Variants in MARCHF10 observed in about 807,000 individuals in gnomAD.
The protein encoded by MARCHF10 is probable E3 ubiquitin-protein ligase MARCHF10.
A neutral mutation model predicts 76.2 loss-of-function variants in MARCHF10; 64 were observed. The observed-to-expected ratio is 0.84, with a 90% confidence interval of 0.69 to 1.03. MARCHF10 has a LOEUF of 1.03. Ranked by LOEUF, MARCHF10 falls within the 50% of genes least tolerant of loss-of-function variation. The pLI is 0.00. For synonymous variants in MARCHF10, 340 were observed against 357.5 expected, an observed-to-expected ratio of 0.95 and a Z score of 0.55; for missense variants, 875 against 958.0, an observed-to-expected ratio of 0.91 and a Z score of 1.14.
intron 7 of MARCHF10, among the ~76,000 whole-genome samples, chr17:62,724,051 C>T (rs143628415): frequency 1.8e-4 from 27 of 152,094 alleles, no homozygotes; most frequent in African/African-American, 2.7e-4. Flanking sequence ...TGGATAGTGA[C>T]GGCTAAGGAG....
chr17:62,719,083 A>T (rs983333000), intron 8 of MARCHF10, among the ~76,000 whole-genome samples: 2 of 152,136 alleles, frequency 1.3e-5, no homozygotes, highest in Non-Finnish European at 2.9e-5. Flanking sequence ...AACGTTGGCC[A>T]AAAAAAGGTC....
chr17:62,705,981 G>A (rs1366283397), intron 9 of MARCHF10, among the ~76,000 whole-genome samples: 1 of 152,180 alleles, frequency 6.6e-6, no homozygotes, highest in African/African-American at 2.4e-5. Context: ...TATTCTCTGC[G>A]CGGCAGGAAG....
chr17:62,751,595 G>A (rs931810011), intron 4 of MARCHF10, among the ~76,000 whole-genome samples: 3 of 152,210 alleles, frequency 2.0e-5, no homozygotes, highest in Non-Finnish European at 2.9e-5. Flanking sequence ...GTGGGTCAGG[G>A]ACAGGAAGCA....
chr17:62,768,953 T>A (rs1014744274), intron 3 of MARCHF10, among the ~76,000 whole-genome samples: 2 of 152,244 alleles, frequency 1.3e-5, no homozygotes, highest in African/African-American at 2.4e-5. Context: ...TCTTTAGTTT[T>A]TTAATCTAGA....
chr17:62,777,078 C>A (rs952858620), intron 3 of MARCHF10, among the ~76,000 whole-genome samples: 1 of 152,220 alleles, frequency 6.6e-6, no homozygotes, highest in Non-Finnish European at 1.5e-5. Context: ...GGTCATGGAG[C>A]ATTCTCCACT....
intron 10 of MARCHF10, chr17:62,705,323 G>A: frequency 6.8e-7 from 1 of 1,477,720 alleles, no homozygotes; most frequent in Non-Finnish European, 8.9e-7. Flanking sequence ...TTGCGTTCAG[G>A]ATGAATTAAA....
chr17:62,754,521 G>A (rs1390841285), intron 4 of MARCHF10, among the ~76,000 whole-genome samples: 1 of 152,064 alleles, frequency 6.6e-6, no homozygotes. Context: ...CCTAAAGCCT[G>A]GTCTACATCC....
intron 4 of MARCHF10, among the ~76,000 whole-genome samples, chr17:62,747,251 C>A (rs778039910): frequency 5.9e-5 from 9 of 152,316 alleles, no homozygotes; most frequent in South Asian, 2.1e-4. Context: ...AAAACTAGAA[C>A]ACATTTTTTT....
intron 4 of MARCHF10, among the ~76,000 whole-genome samples, chr17:62,758,149 C>G (rs1319967976): frequency 6.6e-6 from 1 of 152,182 alleles, no homozygotes; most frequent in Non-Finnish European, 1.5e-5. Context: ...GCCTGTAATC[C>G]TAGCACTTTG....
chr17:62,799,746 CAAAA>C, intron 2 of MARCHF10, among the ~76,000 whole-genome samples: 1 of 109,748 alleles, frequency 9.1e-6, no homozygotes, highest in African/African-American at 3.4e-5. Context: ...AACTCTGTCT[CAAAA>C]AAAAAAAAAA....
chr17:62,782,429 T>C (rs930373684), intron 3 of MARCHF10, among the ~76,000 whole-genome samples: 23 of 140,086 alleles, frequency 1.6e-4, no homozygotes, highest in African/African-American at 6.2e-4. Context: ...CTTACTGCAA[T>C]CTCCGCCTCC....
intron 4 of MARCHF10, chr17:62,749,833 G>C (rs922240542): frequency 6.6e-6 from 1 of 152,258 alleles, no homozygotes; most frequent in Non-Finnish European, 1.5e-5. Flanking sequence ...GCCTGCCCCC[G>C]GTGCCACCGC....
intron 5 of MARCHF10, among the ~76,000 whole-genome samples, chr17:62,743,339 T>A (rs1409199716): frequency 6.6e-6 from 1 of 152,158 alleles, no homozygotes; most frequent in Non-Finnish European, 1.5e-5. Context: ...TCCACCACCA[T>A]CTATATCACA....
intron 3 of MARCHF10, among the ~76,000 whole-genome samples, chr17:62,776,277 C>T (rs1190757885): frequency 6.6e-6 from 1 of 152,192 alleles, no homozygotes; most frequent in Non-Finnish European, 1.5e-5. Context: ...CACAGGGAAC[C>T]CTTTGGGTCA....
At position 62,780,414 on chromosome 17, in the gene MARCHF10, G is replaced by A. The variant is rs146815643; in HGVS notation, c.210+8066C>T. On this transcript the variant is annotated intron_variant, in intron 3 of 10. Transcript: ENST00000311269. ...TTCTTATGAACAAAACAATTACAGT[G>A]TTTACGTTGGGTAACAGCCTTCCTC... 2.7e-3 allele frequency among the ~76,000 whole-genome samples: 412 copies of A among 152,264 alleles called. 2 individuals are homozygous for A. Among genetic ancestry groups the A allele is most frequent in the South Asian group, 5.2e-3 (25 of 4,820 alleles).
chr17:62,737,219 T>C lies in MARCHF10; in HGVS notation c.649A>G (p.Arg217Gly), dbSNP rs1363087130. The change falls in exon 6 of 11, where the codon AGA becomes GGA. Residue 217 changes from arginine (R) to glycine (G), a missense_variant. Coordinates refer to ENST00000311269, the MANE Select transcript of MARCHF10 (RefSeq NM_152598.4). ...GCACTCGGGTCTCCTTTTTTGGCTC[T>C]ATCAGGGGCGTTCTCAGTCATTGGC... ...SQPMTENAPD[R>G]AKKGDPSAPS... 6.2e-7 allele frequency: 1 copy of C among 1,614,020 alleles called. No individual in the cohort carries two copies. Among genetic ancestry groups the C allele is most frequent in the African/African-American group, 1.3e-5 (1 of 74,910 alleles).
chr17:62,801,463 T>A (rs1220470354), intron 2 of MARCHF10, among the ~76,000 whole-genome samples, 183 bp downstream of exon 2: 1 of 151,768 alleles, frequency 6.6e-6, no homozygotes, highest in Non-Finnish European at 1.5e-5. Flanking sequence ...ATCCCCGTTT[T>A]TTTTTTTTTT....
Position 62,724,952 on chromosome 17 carries a change from A to G in MARCHF10, c.2090T>C (p.Val697Ala). 6.2e-7 allele frequency: 1 copy of G among 1,611,354 alleles called. No individual in the cohort carries two copies. The highest frequency in any genetic ancestry group is 2.2e-5 in the East Asian group (1 of 44,674). Residue 697 changes from valine to alanine, a missense_variant, in exon 7 of 11, where the codon GTG becomes GCG. By Grantham distance (64) the Val-to-Ala change is moderately conservative (BLOSUM62 0). Transcript: ENST00000311269. ...HQECLKKWLK[V>A]KITSGADLGA... ...TCCCCACCTACCTGATGTTATTTTC[A>G]CTTTCAGCCACTTTTTCAGGCACTC...
intron 4 of MARCHF10, among the ~76,000 whole-genome samples, chr17:62,755,924 G>C: frequency 6.6e-6 from 1 of 151,106 alleles, no homozygotes; most frequent in South Asian, 2.1e-4. Context: ...GACCAGCCTG[G>C]GCAACAAAGC....
Sources: allele counts gnomAD v4.1 joint callset (sites outside exome capture counted in the v4.1 genomes callset), GRCh38; gene constraint gnomAD v4.1.1; transcripts MANE v1.5; gene names NCBI Gene and HGNC (gene_info 2026-07-23, HGNC 2026-07-21).